Variants in SLC17A5 observed in about 807,000 individuals in gnomAD.
SLC17A5 encodes sialin.
A neutral mutation model predicts 59.4 loss-of-function variants in SLC17A5; 47 were observed. The observed-to-expected ratio is 0.79, with a 90% confidence interval of 0.63 to 1.01. SLC17A5 has a LOEUF of 1.01. Among genes scored for constraint, SLC17A5 ranks in the 50% least tolerant of loss-of-function variants. The pLI, the probability that SLC17A5 is intolerant of heterozygous loss-of-function variation, is 0.00. For synonymous variants in SLC17A5, 202 were observed against 210.7 expected, an observed-to-expected ratio of 0.96 and a Z score of 0.36; for missense variants, 522 against 595.5, an observed-to-expected ratio of 0.88 and a Z score of 1.28.
intron 7 of SLC17A5, among the ~76,000 whole-genome samples, chr6:73,619,159 A>T (rs961237431): frequency 6.6e-6 from 1 of 152,190 alleles, no homozygotes; most frequent in Non-Finnish European, 1.5e-5. Flanking sequence ...TAAGTTTGCC[A>T]TCTTATATGG....
intron 6 of SLC17A5, among the ~76,000 whole-genome samples, chr6:73,623,267 G>A (rs1020660600): frequency 3.3e-5 from 5 of 152,060 alleles, no homozygotes; most frequent in African/African-American, 9.7e-5. Context: ...TCGAACTCCT[G>A]ACCTCAGGTG....
intron 1 of SLC17A5, among the ~76,000 whole-genome samples, chr6:73,649,118 C>T (rs1243291640): frequency 6.6e-6 from 1 of 152,010 alleles, no homozygotes; most frequent in East Asian, 1.9e-4. Context: ...CTGCCTCAGC[C>T]TCCCGAGTAG....
chr6:73,595,771 G>A (rs968604576), intron 10 of SLC17A5, among the ~76,000 whole-genome samples: 12 of 151,988 alleles, frequency 7.9e-5, no homozygotes, highest in Admixed American at 7.2e-4. Context: ...GGAGTGCAGT[G>A]GCGCAATCTC....
chr6:73,619,213 A>G (rs922393447), intron 7 of SLC17A5, among the ~76,000 whole-genome samples: 1 of 152,200 alleles, frequency 6.6e-6, no homozygotes, highest in Non-Finnish European at 1.5e-5. Flanking sequence ...ACTAACTTCA[A>G]AGATCAAGAG....
intron 5 of SLC17A5, among the ~76,000 whole-genome samples, chr6:73,635,790 G>C (rs1217787374): frequency 6.6e-6 from 1 of 151,220 alleles, no homozygotes; most frequent in Non-Finnish European, 1.5e-5. Flanking sequence ...TCACAGGCTG[G>C]AGTGCAGTGA....
intron 1 of SLC17A5, among the ~76,000 whole-genome samples, chr6:73,650,970 A>G (rs894336579): frequency 3.3e-5 from 5 of 152,218 alleles, no homozygotes; most frequent in Non-Finnish European, 7.3e-5. Context: ...AATCCTATCA[A>G]ATCTTCAGAT....
At chr6:73,603,358 C>G (rs1011240993) in intron 9 of SLC17A5, among the ~76,000 whole-genome samples, 4 of 151,132 alleles carry the variant, frequency 2.6e-5, no homozygotes, top group African/African-American at 9.7e-5. Context: ...TGCCAAATTG[C>G]TGGGATTACA....
intron 1 of SLC17A5, among the ~76,000 whole-genome samples, chr6:73,650,788 A>G (rs13212809): frequency 0.22 from 33,347 of 152,030 alleles, 3,861 homozygotes; most frequent in Non-Finnish European, 0.25. Flanking sequence ...TATACACTAG[A>G]ATATAAAAGT....
chr6:73,595,842 A>T (rs1411065464), intron 10 of SLC17A5, among the ~76,000 whole-genome samples: 3 of 151,658 alleles, frequency 2.0e-5, no homozygotes, highest in African/African-American at 7.3e-5. Flanking sequence ...CCTTCCAAGG[A>T]GCTGGGATTA....
rs567837747 is a variant in SLC17A5, at chr6:73,597,354, C to A, written c.1351-2140G>T. Reference sequence around the variant, plus strand: ...TGGTGGTGGGCACCTGTAATCCCAGCTACTTGGGAGGCTGAGGCAGGAGAA... The same window carrying A: ...TGGTGGTGGGCACCTGTAATCCCAGATACTTGGGAGGCTGAGGCAGGAGAA... On this transcript the variant is annotated intron_variant, in intron 10 of 10. Coordinates refer to ENST00000355773, the MANE Select transcript of SLC17A5 (RefSeq NM_012434.5). Among the ~76,000 whole-genome samples the A allele has an allele frequency of 4.0e-5, 6 of 151,842 alleles. No individual in the cohort carries two copies. The East Asian group carries it at 1.2e-3, about 29-fold the overall frequency.
At position 73,594,354 on chromosome 6, in the gene SLC17A5, A is replaced by G. The variant is rs1766705293; in HGVS notation, c.*723T>C. On this transcript the variant is annotated 3_prime_UTR_variant, in exon 11 of 11. Coordinates refer to ENST00000355773, the MANE Select transcript of SLC17A5 (RefSeq NM_012434.5). ...TTCTTTTGCAGGTTGCATGCCAGCC[A>G]ATATTCCTCTGTGCTGGGAAGGGAA... The G allele has an allele frequency of 6.5e-6, 1 of 152,900 alleles. No homozygotes were observed. The highest frequency in any genetic ancestry group is 2.4e-5 in the African/African-American group (1 of 41,464). 9.5% of individuals were successfully genotyped at this position (152,900 alleles called of 1,614,324 possible). A position where few individuals can be genotyped will look rare whatever the true frequency, so the allele number is the denominator to read the frequency against.
At chr6:73,605,035 C>G (rs607667) in intron 9 of SLC17A5, among the ~76,000 whole-genome samples, 16,340 of 152,052 alleles carry the variant, frequency 0.11, 1,057 homozygotes, top group Middle Eastern at 0.18. Flanking sequence ...TTTAGAGGTA[C>G]GATCTTGCTA....
intron 1 of SLC17A5, chr6:73,653,237 T>C (rs1008233417): frequency 1.6e-5 from 16 of 985,322 alleles, no homozygotes; most frequent in Admixed American, 6.1e-5. Flanking sequence ...CAGTCCTTTT[T>C]TGTCTTCCCT....
chr6:73,601,865 G>A (rs1324787090), intron 9 of SLC17A5, among the ~76,000 whole-genome samples: 1 of 151,352 alleles, frequency 6.6e-6, no homozygotes, highest in African/African-American at 2.4e-5. Context: ...GAGGTGAGGG[G>A]CGCCTCTGCC....
chr6:73,647,270 T>C (rs980979233), intron 1 of SLC17A5, among the ~76,000 whole-genome samples: 1 of 152,158 alleles, frequency 6.6e-6, no homozygotes, highest in Non-Finnish European at 1.5e-5. Flanking sequence ...AAAGGAGAAG[T>C]GTGAAGGGTG....
rs1309077809 is a variant in SLC17A5, at chr6:73,644,621, G to GA, written c.95-19dup. ...CACTGGAGCTGAAATAAAGATTGGG[G>GA]AAAATTTTTATTTATTTTTAAATTT... On this transcript the variant is annotated intron_variant, in intron 1 of 10. Transcript: ENST00000355773. 1 of 1,605,218 alleles carries GA rather than the reference G, an allele frequency of 6.2e-7. No homozygotes were observed. The highest frequency in any genetic ancestry group is 1.7e-5 in the Admixed American group (1 of 59,726).
intron 7 of SLC17A5, among the ~76,000 whole-genome samples, chr6:73,616,052 A>G (rs1767844372): frequency 6.6e-6 from 1 of 151,582 alleles, no homozygotes; most frequent in African/African-American, 2.4e-5. Context: ...CACCTGGCTA[A>G]TTTTTGTATT....
intron 4 of SLC17A5, among the ~76,000 whole-genome samples, chr6:73,637,405 A>G (rs1353342855): frequency 6.6e-6 from 1 of 152,244 alleles, no homozygotes; most frequent in Non-Finnish European, 1.5e-5. Flanking sequence ...GGAACCTTAG[A>G]TAGTACCTGT....
intron 7 of SLC17A5, among the ~76,000 whole-genome samples, chr6:73,617,484 GT>G (rs1767926859): frequency 6.6e-6 from 1 of 152,166 alleles, no homozygotes. Context: ...TCTTGATTTT[GT>G]TTCCTGGTGG....
Sources: allele counts gnomAD v4.1 joint callset (sites outside exome capture counted in the v4.1 genomes callset), GRCh38; gene constraint gnomAD v4.1.1; transcripts MANE v1.5; gene names NCBI Gene and HGNC (gene_info 2026-07-23, HGNC 2026-07-21).